The following LMTK2 variants were observed in gnomAD, a reference collection of about 807,000 sequenced individuals.
LMTK2 encodes the protein lemur tail kinase 2.
Under a neutral mutation model 127.5 loss-of-function variants are expected in LMTK2, and 37 were observed. That is an observed-to-expected ratio of 0.29 (90% CI 0.22 to 0.38). The LOEUF is 0.38. Among genes scored for constraint, LMTK2 ranks in the 10% least tolerant of loss-of-function variants. LMTK2 has a pLI of 1.00. For missense variants in LMTK2, 1,694 were observed against 1,920.3 expected, an observed-to-expected ratio of 0.88 and a Z score of 2.20; for synonymous variants, 819 against 810.1, an observed-to-expected ratio of 1.01 and a Z score of -0.19.
intron 4 of LMTK2, among the ~76,000 whole-genome samples, chr7:98,151,930 C>T (rs532087512): frequency 2.6e-5 from 4 of 152,130 alleles, no homozygotes; most frequent in Admixed American, 6.5e-5. Flanking sequence ...TTTCAGTTTA[C>T]GGATTTGGGC....
chr7:98,124,096 A>G (rs1796408515), intron 1 of LMTK2, among the ~76,000 whole-genome samples: 1 of 152,084 alleles, frequency 6.6e-6, no homozygotes, highest in Admixed American at 6.5e-5. Flanking sequence ...CTTTTACCTA[A>G]GAGGTTTTTC....
chr7:98,166,406 G>GAA (rs1194139223), intron 6 of LMTK2, among the ~76,000 whole-genome samples: 8 of 152,092 alleles, frequency 5.3e-5, no homozygotes, highest in Non-Finnish European at 1.2e-4. Flanking sequence ...AGTTTAAAAA[G>GAA]AAAAACACTT....
intron 6 of LMTK2, 124 bp downstream of exon 6, chr7:98,159,549 A>G (rs1285030603): frequency 4.3e-6 from 3 of 697,014 alleles, no homozygotes; most frequent in East Asian, 5.4e-5. Flanking sequence ...GAACTTTATG[A>G]TGAGTTACTT....
chr7:98,113,847 G>A (rs1796239009), intron 1 of LMTK2, among the ~76,000 whole-genome samples: 1 of 152,148 alleles, frequency 6.6e-6, no homozygotes, highest in African/African-American at 2.4e-5. Flanking sequence ...ATTGTAGCAA[G>A]TGGCTAATTC....
At chr7:98,111,731 T>C (rs10254691) in intron 1 of LMTK2, among the ~76,000 whole-genome samples, 19,711 of 152,268 alleles carry the variant, frequency 0.13, 1,344 homozygotes, top group East Asian at 0.19. Flanking sequence ...TGGTATGGCA[T>C]CAAAGCAGGA....
At chr7:98,110,393 C>T (rs761965132) in intron 1 of LMTK2, among the ~76,000 whole-genome samples, 3 of 152,104 alleles carry the variant, frequency 2.0e-5, no homozygotes, top group South Asian at 2.1e-4. Flanking sequence ...ACGCCCGCCC[C>T]GTCTAGGAGC....
chr7:98,186,453 C>T (rs1028745373), intron 8 of LMTK2, among the ~76,000 whole-genome samples: 3 of 152,120 alleles, frequency 2.0e-5, no homozygotes, highest in Admixed American at 6.5e-5. Flanking sequence ...TTGTTGCTTG[C>T]GTAGAATCAC....
intron 1 of LMTK2, among the ~76,000 whole-genome samples, chr7:98,113,933 C>CTT (rs35638586): frequency 7.8e-5 from 11 of 141,820 alleles, no homozygotes; most frequent in East Asian, 2.0e-4. Context: ...TTATTAAATT[C>CTT]TTTTTTTTTT....
chr7:98,177,996 G>A lies in LMTK2; in HGVS notation c.791+6322G>A, dbSNP rs10250135. The stretch of plus-strand genomic sequence containing the variant: ...GCTGCCAGAGTCAGAATGACGTGAC[G>A]AGCAGAGGGAGGCTTTGGAATTGAA... On this transcript the variant is annotated intron_variant, in intron 7 of 13. Coordinates refer to ENST00000297293, the MANE Select transcript of LMTK2 (RefSeq NM_014916.4). Among the ~76,000 whole-genome samples, 760 of 152,282 alleles carry A rather than the reference G, an allele frequency of 5.0e-3. 5 individuals are homozygous for A. Among genetic ancestry groups the A allele is most frequent in the African/African-American group, 0.018 (728 of 41,556 alleles).
intron 11 of LMTK2, among the ~76,000 whole-genome samples, chr7:98,200,300 A>G (rs570659037): frequency 8.5e-5 from 13 of 152,216 alleles, no homozygotes; most frequent in Non-Finnish European, 1.8e-4. Context: ...CTCCTCAGAC[A>G]GTGCAACACA....
intron 6 of LMTK2, among the ~76,000 whole-genome samples, chr7:98,165,165 A>G (rs1797075534): frequency 6.6e-6 from 1 of 152,194 alleles, no homozygotes; most frequent in African/African-American, 2.4e-5. Context: ...GGGCTCTTAG[A>G]CCTGGAAGGA....
In LMTK2 at chr7:98,107,115, G is replaced by A; in HGVS notation, c.-63G>A. The A allele has an allele frequency of 7.8e-7, 1 of 1,277,290 alleles. No individual in the cohort carries two copies. The highest frequency in any genetic ancestry group is 1.0e-6 in the Non-Finnish European group (1 of 980,210). The allele number at this position is 1,277,290 out of a possible 1,614,324, so 79.1% of individuals were successfully genotyped here. A position where few individuals can be genotyped will look rare whatever the true frequency, so the allele number is the denominator to read the frequency against. ...GGAGGGAGGCAGGATCGACTGACGGGCGAACGGACGGACGGACGGAAGGCG... is the reference window on the plus strand; with the variant it reads ...GGAGGGAGGCAGGATCGACTGACGGACGAACGGACGGACGGACGGAAGGCG... On this transcript the variant is annotated 5_prime_UTR_variant, in exon 1 of 14. Transcript: ENST00000297293.
intron 6 of LMTK2, among the ~76,000 whole-genome samples, chr7:98,164,133 C>T (rs1797055933): frequency 6.6e-6 from 1 of 152,198 alleles, no homozygotes; most frequent in Non-Finnish European, 1.5e-5. Context: ...CCTCTGAGTG[C>T]ATTTTGTAGC....
chr7:98,109,438 G>C (rs866031372), intron 1 of LMTK2, among the ~76,000 whole-genome samples: 1 of 152,006 alleles, frequency 6.6e-6, no homozygotes. Context: ...TAGGGTTAAA[G>C]TCTGTGGAAA....
At chr7:98,186,767 C>G in intron 8 of LMTK2, 110 bp from the exon 9 acceptor site, 1 of 962,264 alleles carries the variant, frequency 1.0e-6, no homozygotes, top group Non-Finnish European at 1.5e-6. Context: ...TTTTTCTGAC[C>G]TGGTTTTTGG....
chr7:98,118,670 C>T (rs961949969), intron 1 of LMTK2, among the ~76,000 whole-genome samples: 9 of 152,284 alleles, frequency 5.9e-5, no homozygotes, highest in Admixed American at 5.2e-4. Flanking sequence ...CTTCCCTCTG[C>T]CCTAGCCTTT....
chr7:98,153,465 T>A (rs1796885617), intron 4 of LMTK2, among the ~76,000 whole-genome samples: 1 of 152,180 alleles, frequency 6.6e-6, no homozygotes, highest in African/African-American at 2.4e-5. Flanking sequence ...TTGGCGTCCT[T>A]GAAAGAAGTT....
intron 5 of LMTK2, among the ~76,000 whole-genome samples, chr7:98,156,089 A>G (rs1796921350): frequency 6.6e-6 from 1 of 152,240 alleles, no homozygotes; most frequent in Non-Finnish European, 1.5e-5. Flanking sequence ...AGGAGATAAC[A>G]TGGATAGCAA....
chr7:98,141,454 C>G lies in LMTK2; in HGVS notation c.289C>G (p.Pro97Ala). Residue 97 changes from proline (P) to alanine (A), a missense_variant, in exon 3 of 14, where the codon CCC (proline) becomes GCC (alanine). Physicochemically the swap from Pro to Ala is conservative, Grantham distance 27. Transcript: ENST00000297293. ...IDFTPPAEDT[P>A]SVQSPAEVFT... ...TTTCACACCACCAGCAGAAGACACT[C>G]CCTCTGTTCAGTCCCCAGCAGAGGT... 4 of 1,611,848 alleles carry G rather than the reference C, an allele frequency of 2.5e-6. No homozygotes were observed. Among genetic ancestry groups the G allele is most frequent in the Non-Finnish European group, 3.4e-6 (4 of 1,177,898 alleles).
Sources: gnomAD v4.1 joint callset for allele counts (sites outside exome capture counted in the v4.1 genomes callset) on GRCh38, gnomAD v4.1.1 for gene constraint, MANE v1.5 for transcripts, NCBI Gene and HGNC (gene_info 2026-07-23, HGNC 2026-07-21) for gene names.